PSMD1: variants seen among roughly 807,000 people sequenced by gnomAD.
PSMD1 encodes the protein proteasome 26S subunit, non-ATPase 1.
A neutral mutation model predicts 119.0 loss-of-function variants in PSMD1; 18 were observed. The observed-to-expected ratio is 0.15, with a 90% confidence interval of 0.10 to 0.22. The LOEUF (loss-of-function observed/expected upper bound fraction) is 0.22, where lower values mean the gene tolerates loss of function less well. Ranked by LOEUF, PSMD1 falls within the 10% of genes least tolerant of loss-of-function variation. PSMD1 has a pLI of 1.00. For synonymous variants in PSMD1, 374 were observed against 396.6 expected, an observed-to-expected ratio of 0.94 and a Z score of 0.68; for missense variants, 702 against 1,158.5, an observed-to-expected ratio of 0.61 and a Z score of 5.72.
chr2:231,083,554 C>T lies in PSMD1; in HGVS notation c.1526-13C>T, dbSNP rs754078910. ...CATAACTCTCTGTTAACATTTTACT[C>T]GTTACTTGCCAGGGGAAGCAGCTGG... On this transcript the variant is annotated splice_polypyrimidine_tract_variant and intron_variant, in intron 13 of 24. Transcript: ENST00000308696. 6.2e-6 allele frequency: 10 copies of T among 1,613,712 alleles called. No homozygotes were observed. The highest frequency in any genetic ancestry group is 1.3e-5 in the African/African-American group (1 of 74,900).
intron 16 of PSMD1, among the ~76,000 whole-genome samples, chr2:231,125,630 G>GAGTGGTTCACAGCTTTTTTTCCCC (rs1264888654): frequency 3.3e-5 from 5 of 152,222 alleles, no homozygotes; most frequent in Non-Finnish European, 7.3e-5. Context: ...CTGGGTTTAG[G>GAGTGGTTCACAGCTTTTTTTCCCC]AGTGGTTCAC....
At chr2:231,084,712 G>T (rs969181799) in intron 14 of PSMD1, among the ~76,000 whole-genome samples, 11 of 152,172 alleles carry the variant, frequency 7.2e-5, no homozygotes, top group Non-Finnish European at 1.6e-4. Context: ...TTGCTTGATT[G>T]TTAAAAGGAA....
intron 23 of PSMD1, among the ~76,000 whole-genome samples, chr2:231,168,204 G>C (rs1696831889): frequency 6.6e-6 from 1 of 152,190 alleles, no homozygotes; most frequent in Non-Finnish European, 1.5e-5. Flanking sequence ...AACCCTCATA[G>C]AGTAATAGTG....
At chr2:231,058,385 T>C (rs1340932432) in intron 1 of PSMD1, among the ~76,000 whole-genome samples, 1 of 152,252 alleles carries the variant, frequency 6.6e-6, no homozygotes, top group Non-Finnish European at 1.5e-5. Context: ...TTTAAAACTT[T>C]AATCACATAA....
chr2:231,157,188 A>G (rs1198570065), intron 19 of PSMD1, among the ~76,000 whole-genome samples: 2 of 152,052 alleles, frequency 1.3e-5, no homozygotes, highest in Non-Finnish European at 2.9e-5. Context: ...TATTTGGGTT[A>G]CTTGTTAAGA....
At chr2:231,104,084 T>G (rs1231836504) in intron 16 of PSMD1, among the ~76,000 whole-genome samples, 1 of 123,362 alleles carries the variant, frequency 8.1e-6, no homozygotes, top group Non-Finnish European at 1.6e-5. Context: ...GACTCTTAAG[T>G]TGTTTTGTTT....
chr2:231,108,915 A>T, intron 16 of PSMD1: 4 of 1,614,066 alleles, frequency 2.5e-6, no homozygotes. Context: ...CAGGAATCAC[A>T]TAAAACTAAA....
At chr2:231,163,834 AT>A (rs1409026822) in intron 21 of PSMD1, 107 bp downstream of exon 21, 7 of 784,582 alleles carry the variant, frequency 8.9e-6, no homozygotes, top group Non-Finnish European at 1.4e-5. Context: ...AACACTTCTT[AT>A]GCTAACATTT....
At chr2:231,140,495 CAA>C (rs766658246) in intron 17 of PSMD1, among the ~76,000 whole-genome samples, 10 of 48,474 alleles carry the variant, frequency 2.1e-4, no homozygotes, top group Admixed American at 2.4e-4. Context: ...GACTCCATCT[CAA>C]AAAAAAAAAA....
intron 19 of PSMD1, 102 bp from the exon 20 acceptor site, chr2:231,161,238 T>TA (rs35533383): frequency 0.22 from 204,952 of 941,008 alleles, 3,216 homozygotes; most frequent in East Asian, 0.3. Flanking sequence ...CCTATCTCTT[T>TA]AAAAAAAAAA....
rs377633830 is a variant in PSMD1 at position 231,070,014 on chromosome 2, A to G, written c.511-11A>G. The stretch of plus-strand genomic sequence containing the variant: ...CCAGATAACGTTATATCTTTAAACT[A>G]TCTCTTTCAGAATGATGTCCCAGGA... On this transcript the variant is annotated splice_polypyrimidine_tract_variant and intron_variant, in intron 5 of 24. Transcript: ENST00000308696. 2.4e-4 allele frequency: 335 copies of G among 1,415,166 alleles called. No individual in the cohort carries two copies. The highest frequency in any genetic ancestry group is 2.9e-4 in the Non-Finnish European group (310 of 1,072,446). The allele number at this position is 1,415,166 out of a possible 1,614,324, so 87.7% of individuals were successfully genotyped here.
At chr2:231,113,547 C>A (rs1350019333) in intron 16 of PSMD1, among the ~76,000 whole-genome samples, 1 of 152,184 alleles carries the variant, frequency 6.6e-6, no homozygotes. Flanking sequence ...ACACTTTTTA[C>A]CAACAGTATG....
Position 231,161,422 on chromosome 2 carries a change from C to A in PSMD1, c.2301C>A (p.Thr767=). The change falls in exon 20 of 25, where the codon ACC becomes ACA. Residue 767 remains threonine (T), a synonymous_variant. Transcript: ENST00000308696. The part of the protein sequence containing the change: ...MPSVVGVLVF[T]QFWFWFPLSH... Reference sequence around the variant, plus strand: ...CTGTGGTTGGCGTCCTTGTATTTACCCAGTTTTGGTTCTGGTTTCCTCTTT... The same window carrying A: ...CTGTGGTTGGCGTCCTTGTATTTACACAGTTTTGGTTCTGGTTTCCTCTTT... 6.2e-7 allele frequency: 1 copy of A among 1,613,780 alleles called. No individual in the cohort carries two copies. Among genetic ancestry groups the A allele is most frequent in the Non-Finnish European group, 8.5e-7 (1 of 1,179,806 alleles).
chr2:231,087,086 G>C, intron 15 of PSMD1, 31 bp from the exon 16 acceptor site: 5 of 1,594,816 alleles, frequency 3.1e-6, no homozygotes, highest in Non-Finnish European at 4.3e-6. Context: ...AGACTACATA[G>C]TATAATATAA....
rs537775198 is a variant in PSMD1 at position 231,071,926 on chromosome 2, A to G, written c.655-263A>G. Among the ~76,000 whole-genome samples, 104 of 152,320 alleles carry G rather than the reference A, an allele frequency of 6.8e-4. 2 individuals carry two copies. Among genetic ancestry groups the G allele is most frequent in the African/African-American group, 1.9e-3 (79 of 41,574 alleles). ...GAAGCCAAGATTCATTCAACAACCA[A>G]TGTTGAATACTGCTGATTACCAGGC... On this transcript the variant is annotated intron_variant, in intron 6 of 24. Transcript: ENST00000308696.
Position 231,056,983 on chromosome 2 carries a change from C to G in PSMD1, c.-43C>G, listed in dbSNP as rs1216916654. ...CTGAGCTGACAGATACACTGCGCAGCTGGAACGGCGAGCGAGCCGACGGGC... is the reference window on the plus strand; with the variant it reads ...CTGAGCTGACAGATACACTGCGCAGGTGGAACGGCGAGCGAGCCGACGGGC... On this transcript the variant is annotated 5_prime_UTR_variant, in exon 1 of 25. Coordinates refer to ENST00000308696, the MANE Select transcript of PSMD1 (RefSeq NM_002807.4). 5 of 1,540,360 alleles carry G rather than the reference C, an allele frequency of 3.2e-6. No individual in the cohort carries two copies. Among genetic ancestry groups the G allele is most frequent in the Non-Finnish European group, 4.4e-6 (5 of 1,144,568 alleles).
At chr2:231,091,335 G>C (rs1027690365) in intron 16 of PSMD1, among the ~76,000 whole-genome samples, 4 of 152,156 alleles carry the variant, frequency 2.6e-5, no homozygotes, top group African/African-American at 9.7e-5. Context: ...TTGCTCTTAA[G>C]AGAATTTAAC....
intron 16 of PSMD1, among the ~76,000 whole-genome samples, chr2:231,110,649 C>T (rs901800737): frequency 6.6e-6 from 1 of 152,188 alleles, no homozygotes; most frequent in African/African-American, 2.4e-5. Context: ...GAGGTCATTA[C>T]TTTCTCTACT....
chr2:231,073,262 G>A (rs1015594361), intron 7 of PSMD1, among the ~76,000 whole-genome samples: 34 of 152,204 alleles, frequency 2.2e-4, no homozygotes, highest in Middle Eastern at 6.8e-3. Context: ...CAGATATAAC[G>A]ATAATTAAAA....
Sources: allele counts gnomAD v4.1 joint callset (sites outside exome capture counted in the v4.1 genomes callset), GRCh38; gene constraint gnomAD v4.1.1; transcripts MANE v1.5; gene names NCBI Gene and HGNC (gene_info 2026-07-23, HGNC 2026-07-21).